The following PTPRD variants were observed in gnomAD, a reference collection of about 807,000 sequenced individuals.
PTPRD encodes protein tyrosine phosphatase receptor type D.
Under a neutral mutation model 214.5 loss-of-function variants are expected in PTPRD, and 34 were observed. The observed-to-expected ratio is 0.16, with a 90% CI of 0.12 to 0.21. PTPRD has a LOEUF of 0.21. Among genes scored for constraint, PTPRD ranks in the 10% least tolerant of loss-of-function variants. PTPRD has a pLI of 1.00. For missense variants in PTPRD, 2,545 were observed against 2,398.7 expected, an observed-to-expected ratio of 1.06 and a Z score of -1.27; for synonymous variants, 1,128 against 845.7, an observed-to-expected ratio of 1.33 and a Z score of -5.79.
intron 5 of PTPRD, among the ~76,000 whole-genome samples, chr9:9,875,345 C>T (rs865899416): frequency 6.6e-6 from 1 of 151,908 alleles, no homozygotes; most frequent in African/African-American, 2.4e-5. Context: ...GTACCCTAGC[C>T]TGGATGATAG....
intron 11 of PTPRD, among the ~76,000 whole-genome samples, chr9:8,754,515 T>C (rs912811893): frequency 2.0e-5 from 3 of 152,202 alleles, no homozygotes; most frequent in African/African-American, 7.2e-5. Context: ...AAAGAATCTT[T>C]TCAATCAGTG....
At chr9:9,596,377 G>A (rs1350217013) in intron 7 of PTPRD, among the ~76,000 whole-genome samples, 3 of 151,800 alleles carry the variant, frequency 2.0e-5, no homozygotes, top group Non-Finnish European at 4.4e-5. Flanking sequence ...AATATCCAGA[G>A]GTACCCTTTA....
intron 11 of PTPRD, among the ~76,000 whole-genome samples, chr9:8,960,641 G>T (rs1588912885): frequency 6.6e-6 from 1 of 152,096 alleles, no homozygotes; most frequent in Non-Finnish European, 1.5e-5. Flanking sequence ...TGTTAGTCCT[G>T]AGGCAGTGAC....
intron 9 of PTPRD, among the ~76,000 whole-genome samples, chr9:9,365,336 T>C (rs2057576121): frequency 6.6e-6 from 1 of 151,564 alleles, no homozygotes; most frequent in Non-Finnish European, 1.5e-5. Context: ...ATCTTTCACA[T>C]ATAGTTGGTA....
chr9:9,978,506 C>A lies in PTPRD; in HGVS notation c.-471-39896G>T, dbSNP rs140996226. ...TGTAAAAATGACTGAAACTGAAACA[C>A]GGAAATAAATGAAGGTAAAATTTAA... On this transcript the variant is annotated intron_variant, in intron 4 of 45. Coordinates refer to ENST00000381196, the MANE Select transcript of PTPRD (RefSeq NM_002839.4). 2.9e-3 allele frequency among the ~76,000 whole-genome samples: 436 copies of A among 151,606 alleles called. 2 individuals carry two copies. The highest frequency in any genetic ancestry group is 0.01 in the African/African-American group (418 of 41,342).
intron 9 of PTPRD, among the ~76,000 whole-genome samples, chr9:9,291,232 T>A (rs1595268450): frequency 6.6e-6 from 1 of 151,576 alleles, no homozygotes; most frequent in Non-Finnish European, 1.5e-5. Context: ...GTAGTGGTGA[T>A]TTTTCATCAT....
chr9:8,600,008 G>C (rs867312709), intron 14 of PTPRD, among the ~76,000 whole-genome samples: 3 of 152,166 alleles, frequency 2.0e-5, no homozygotes, highest in South Asian at 2.1e-4. Flanking sequence ...CACTGAAGAA[G>C]GTAGAAAAGA....
chr9:9,218,292 G>T (rs1218306107), intron 9 of PTPRD, among the ~76,000 whole-genome samples: 3 of 152,096 alleles, frequency 2.0e-5, no homozygotes, highest in Non-Finnish European at 2.9e-5. Flanking sequence ...ATCCGGATTA[G>T]ATAGGCCTTG....
intron 8 of PTPRD, among the ~76,000 whole-genome samples, chr9:9,441,165 G>A (rs1188650266): frequency 6.6e-6 from 1 of 152,140 alleles, no homozygotes; most frequent in Non-Finnish European, 1.5e-5. Flanking sequence ...TACCAAAGAT[G>A]CTATCAACTG....
chr9:9,260,510 G>T (rs1006895169), intron 9 of PTPRD, among the ~76,000 whole-genome samples: 1 of 151,704 alleles, frequency 6.6e-6, no homozygotes, highest in African/African-American at 2.4e-5. Flanking sequence ...GCTTTTTCTA[G>T]GCTAGTTTTT....
intron 3 of PTPRD, among the ~76,000 whole-genome samples, chr9:10,058,432 A>C (rs1375918177): frequency 6.6e-6 from 1 of 152,078 alleles, no homozygotes; most frequent in Non-Finnish European, 1.5e-5. Context: ...ATTGCTACTT[A>C]TCAAAATGTA....
intron 11 of PTPRD, among the ~76,000 whole-genome samples, chr9:9,017,188 A>G (rs1484627544): frequency 6.6e-6 from 1 of 152,172 alleles, no homozygotes; most frequent in Non-Finnish European, 1.5e-5. Context: ...AACAACAGCA[A>G]CAACCATAAA....
intron 8 of PTPRD, among the ~76,000 whole-genome samples, chr9:9,534,727 T>C (rs1325156305): frequency 6.6e-6 from 1 of 152,088 alleles, no homozygotes. Context: ...TAGAGAAAAG[T>C]GGAAACCTCC....
At chr9:8,413,480 C>G (rs868026083) in intron 35 of PTPRD, among the ~76,000 whole-genome samples, 2 of 152,098 alleles carry the variant, frequency 1.3e-5, no homozygotes, top group South Asian at 4.1e-4. Context: ...TTAAAAAACT[C>G]TTGTACCCCA....
intron 5 of PTPRD, among the ~76,000 whole-genome samples, chr9:9,863,979 C>T (rs983293494): frequency 4.6e-5 from 7 of 152,058 alleles, no homozygotes; most frequent in African/African-American, 1.7e-4. Flanking sequence ...CTAGAAATAT[C>T]CAAAAGATTG....
intron 9 of PTPRD, among the ~76,000 whole-genome samples, chr9:9,299,321 C>G (rs1321469502): frequency 6.6e-6 from 1 of 151,702 alleles, no homozygotes; most frequent in Non-Finnish European, 1.5e-5. Context: ...GGACATTTGG[C>G]AATGTCTGGT....
At chr9:8,954,812 A>G (rs945622741) in intron 11 of PTPRD, among the ~76,000 whole-genome samples, 2 of 151,946 alleles carry the variant, frequency 1.3e-5, no homozygotes, top group Non-Finnish European at 2.9e-5. Flanking sequence ...GTCTCAATGT[A>G]AAGATTGCAT....
intron 11 of PTPRD, among the ~76,000 whole-genome samples, chr9:8,736,539 G>A (rs1326131128): frequency 6.6e-6 from 1 of 152,096 alleles, no homozygotes; most frequent in Non-Finnish European, 1.5e-5. Flanking sequence ...GAATTATAAT[G>A]CAGATACCAT....
At position 10,612,928 on chromosome 9, in the gene PTPRD, G is replaced by A. The variant is rs1239997323; in HGVS notation, c.-948C>T. ...GGCCGCCGGCTGCGGGCGCGGCTGG[G>A]CGGGGAGCCGAGGCGGCCGCTCCCG... On this transcript the variant is annotated 5_prime_UTR_variant, in exon 1 of 46. Transcript: ENST00000381196. 6.6e-6 allele frequency among the ~76,000 whole-genome samples: 1 copy of A among 151,368 alleles called. No individual in the cohort carries two copies. The highest frequency in any genetic ancestry group is 2.4e-5 in the African/African-American group (1 of 41,296).
Sources: gnomAD v4.1 joint callset for allele counts (sites outside exome capture counted in the v4.1 genomes callset) on GRCh38, gnomAD v4.1.1 for gene constraint, MANE v1.5 for transcripts, NCBI Gene and HGNC (gene_info 2026-07-23, HGNC 2026-07-21) for gene names.